Variants in DNAJC10 observed in about 807,000 individuals in gnomAD.
DNAJC10 encodes the protein endoplasmic reticulum disulfide reductase DNAJC10.
A neutral mutation model predicts 115.0 loss-of-function variants in DNAJC10; 101 were observed. The ratio of observed to expected loss-of-function variants is 0.88; its 90% CI spans 0.75 to 1.04. The LOEUF (loss-of-function observed/expected upper bound fraction) is 1.04. Ranked by LOEUF, DNAJC10 falls within the 50% of genes least tolerant of loss-of-function variation. DNAJC10 has a pLI of 0.00. For synonymous variants in DNAJC10, 307 were observed against 301.5 expected, an observed-to-expected ratio of 1.02 and a Z score of -0.19; for missense variants, 981 against 928.8, an observed-to-expected ratio of 1.06 and a Z score of -0.73.
chr2:182,788,868 G>A lies in DNAJC10; in HGVS notation c.*11736G>A, dbSNP rs888397389. 4.4e-6 allele frequency: 2 copies of A among 450,360 alleles called. No homozygotes were observed. The highest frequency in any genetic ancestry group is 3.2e-5 in the South Asian group (2 of 62,424). The allele number at this position is 450,360 out of a possible 1,614,324, so 27.9% of individuals were successfully genotyped here. A position where few individuals can be genotyped will look rare whatever the true frequency, so the allele number is the denominator to read the frequency against. ...GAGATTTCACGTTAAAGGTCATTTTGTGTCTTCTTTAAAACTCTTGATTCC... is the reference window on the plus strand; with the variant it reads ...GAGATTTCACGTTAAAGGTCATTTTATGTCTTCTTTAAAACTCTTGATTCC... On this transcript the variant is annotated 3_prime_UTR_variant, in exon 24 of 24. Coordinates refer to ENST00000264065, the MANE Select transcript of DNAJC10 (RefSeq NM_018981.4).
In DNAJC10 at chr2:182,785,539, TATAA is replaced by T. The variant is rs1406098947; in HGVS notation, c.*8412_*8415del. On this transcript the variant is annotated 3_prime_UTR_variant, in exon 24 of 24. Coordinates refer to ENST00000264065, the MANE Select transcript of DNAJC10 (RefSeq NM_018981.4). ...GAAAAAATATTTCAGTAGGTAGTCATATAAATAAGATGAGGTAATGTGTTTAGAA... is the reference window on the plus strand; with the variant it reads ...GAAAAAATATTTCAGTAGGTAGTCATATAAGATGAGGTAATGTGTTTAGAA... 6 of 152,132 alleles carry T rather than the reference TATAA, an allele frequency of 3.9e-5. No individual in the cohort carries two copies. The highest frequency in any genetic ancestry group is 1.4e-4 in the African/African-American group (6 of 41,440). The allele number at this position is 152,132 out of a possible 1,614,324, so 9.4% of individuals were successfully genotyped here.
rs1270820888 is a variant in DNAJC10, at chr2:182,767,603, G to A, written c.2265+4802G>A. On this transcript the variant is annotated intron_variant, in intron 22 of 23. Coordinates refer to ENST00000264065, the MANE Select transcript of DNAJC10 (RefSeq NM_018981.4). ...GATCACGTCGAGGGCACCACTTGCA[G>A]AGCTTATAGCTTGCAGTGAATGCCA... Among the ~76,000 whole-genome samples the A allele has an allele frequency of 3.3e-5, 5 of 152,046 alleles. No homozygotes were observed. The South Asian group carries it at 6.2e-4, about 19-fold the overall frequency.
At chr2:182,768,881 T>C (rs929260362) in intron 22 of DNAJC10, among the ~76,000 whole-genome samples, 9 of 152,180 alleles carry the variant, frequency 5.9e-5, no homozygotes, top group African/African-American at 2.2e-4. Flanking sequence ...AATGTGCAGG[T>C]TTGATACATA....
intron 14 of DNAJC10, among the ~76,000 whole-genome samples, chr2:182,751,043 GAAGT>G (rs1030899523): frequency 2.7e-5 from 4 of 150,514 alleles, no homozygotes; most frequent in African/African-American, 9.8e-5. Flanking sequence ...AGTAATCACT[GAAGT>G]AAGCATAATT....
In DNAJC10 at chr2:182,770,304, T is replaced by C. The variant is rs180726536; in HGVS notation, c.2266-5012T>C. On this transcript the variant is annotated intron_variant, in intron 22 of 23. Transcript: ENST00000264065. ...GATTGTCTTGGCAATACGGGCTCTT[T>C]TTTGGTTCCATATGAAATTTAAAGT... Among the ~76,000 whole-genome samples, 53 of 152,362 alleles carry C rather than the reference T, an allele frequency of 3.5e-4. No homozygotes were observed. In the East Asian group the frequency reaches 9.8e-3, roughly 28 times the overall value.
rs1694297184 is a variant in DNAJC10, at chr2:182,762,013, A to G, written c.2146-669A>G. Among the ~76,000 whole-genome samples, 3 of 152,110 alleles carry G rather than the reference A, an allele frequency of 2.0e-5. No individual in the cohort carries two copies. The South Asian group carries it at 6.2e-4, about 32-fold the overall frequency. On this transcript the variant is annotated intron_variant, in intron 21 of 23. Transcript: ENST00000264065. ...AGTAAACATCAGTTGCGCAATAAGA[A>G]GACCAAAAAGTGCCCAGTTTGGTCA...
Position 182,756,311 on chromosome 2 carries a change from C to A in DNAJC10, c.1654-3C>A, listed in dbSNP as rs201278988. 3.1e-6 allele frequency: 5 copies of A among 1,609,480 alleles called. No homozygotes were observed. The South Asian group carries it at 5.5e-5, about 18-fold the overall frequency. ...GTTATAATGGAAGCTATATTCTCTT[C>A]AGGATCTTATGAATCCTTCAGTGGT... is the stretch of plus-strand genomic sequence containing the variant. On this transcript the variant is annotated splice_polypyrimidine_tract_variant and splice_region_variant and intron_variant, in intron 17 of 23. Transcript: ENST00000264065.
intron 22 of DNAJC10, among the ~76,000 whole-genome samples, chr2:182,765,686 TC>T (rs1694392911): frequency 6.6e-6 from 1 of 152,178 alleles, no homozygotes; most frequent in Admixed American, 6.5e-5. Flanking sequence ...TAACAACAGG[TC>T]CTGTTCTCGA....
chr2:182,784,960 TCA>T lies in DNAJC10; in HGVS notation c.*7833_*7834del, dbSNP rs1198845964. ...TTTCTACCTCAGTACTTGATAAGAATCACACAGTCTAGCTGGCCTTTGTGTTT... is the reference window on the plus strand; with the variant it reads ...TTTCTACCTCAGTACTTGATAAGAATCACAGTCTAGCTGGCCTTTGTGTTT... On this transcript the variant is annotated 3_prime_UTR_variant, in exon 24 of 24. Coordinates refer to ENST00000264065, the MANE Select transcript of DNAJC10 (RefSeq NM_018981.4). The T allele has an allele frequency of 1.3e-5, 2 of 152,244 alleles. No homozygotes were observed. Among genetic ancestry groups the T allele is most frequent in the Non-Finnish European group, 2.9e-5 (2 of 68,038 alleles). The allele number at this position is 152,244 out of a possible 1,614,324, so 9.4% of individuals were successfully genotyped here. A position where few individuals can be genotyped will look rare whatever the true frequency, so the allele number is the denominator to read the frequency against.
At chr2:182,718,450 T>C (rs946838833) in intron 3 of DNAJC10, among the ~76,000 whole-genome samples, 160 bp downstream of exon 3, 3 of 152,244 alleles carry the variant, frequency 2.0e-5, no homozygotes, top group African/African-American at 7.2e-5. Context: ...ATGTTCTGGA[T>C]TATTTAGGAT....
chr2:182,740,519 T>C, intron 12 of DNAJC10, 131 bp downstream of exon 12: 1 of 823,994 alleles, frequency 1.2e-6, no homozygotes. Flanking sequence ...AAGGATTATA[T>C]ATTAGTCAAT....
In DNAJC10 at chr2:182,716,300, C is replaced by G. The variant is rs1402349515; in HGVS notation, c.-387C>G. On this transcript the variant is annotated 5_prime_UTR_variant, in exon 1 of 24. Transcript: ENST00000264065. Reference sequence around the variant, plus strand: ...CCGGCGCGTGAGGAACCTACCGGTACCGGCCGCGCGCTGGTAGTCGCCGGT... The same window carrying G: ...CCGGCGCGTGAGGAACCTACCGGTAGCGGCCGCGCGCTGGTAGTCGCCGGT... 2.6e-5 allele frequency: 4 copies of G among 152,386 alleles called. No homozygotes were observed. Among genetic ancestry groups the G allele is most frequent in the Admixed American group, 6.5e-5 (1 of 15,286 alleles). The allele number at this position is 152,386 out of a possible 1,614,324, so 9.4% of individuals were successfully genotyped here.
chr2:182,775,715 ATGTC>A (rs1041043320), intron 23 of DNAJC10, among the ~76,000 whole-genome samples: 2 of 152,212 alleles, frequency 1.3e-5, no homozygotes, highest in African/African-American at 2.4e-5. Context: ...AAAAAAAGAA[ATGTC>A]TGTCAACTGA....
intron 5 of DNAJC10, among the ~76,000 whole-genome samples, chr2:182,724,414 GTAATC>G (rs892600533): frequency 6.6e-6 from 1 of 152,038 alleles, no homozygotes; most frequent in Non-Finnish European, 1.5e-5. Flanking sequence ...AAAGGCGAGG[GTAATC>G]TGCTTTTGGT....
intron 4 of DNAJC10, 22 bp from the exon 5 acceptor site, chr2:182,722,003 T>G: frequency 7.4e-7 from 1 of 1,360,370 alleles, no homozygotes. Context: ...ATTTTATAAT[T>G]TTTATATACT....
chr2:182,767,108 G>C (rs288291), intron 22 of DNAJC10, among the ~76,000 whole-genome samples: 98,076 of 151,978 alleles, frequency 0.65, 31,990 homozygotes, highest in Middle Eastern at 0.74. Context: ...GGAATGAAGC[G>C]TAGAGTGGAA....
Position 182,787,374 on chromosome 2 carries a change from T to C in DNAJC10, c.*10242T>C, listed in dbSNP as rs983118561. 6.6e-6 allele frequency: 1 copy of C among 152,202 alleles called. No homozygotes were observed. Among genetic ancestry groups the C allele is most frequent in the African/African-American group, 2.4e-5 (1 of 41,442 alleles). The allele number at this position is 152,202 out of a possible 1,614,324, so 9.4% of individuals were successfully genotyped here. On this transcript the variant is annotated 3_prime_UTR_variant, in exon 24 of 24. Transcript: ENST00000264065. ...GGGCCTACTGTCTCTTCCCACTGTT[T>C]ACCTGGTGTTTTGATTCTGAATAGT...
intron 14 of DNAJC10, among the ~76,000 whole-genome samples, chr2:182,747,553 T>C (rs1574938811): frequency 6.6e-6 from 1 of 152,008 alleles, no homozygotes. Context: ...TGTATAAGAA[T>C]GCTTGTGATT....
rs1035353492 is a variant in DNAJC10, at chr2:182,777,356, A to G, written c.*224A>G. On this transcript the variant is annotated 3_prime_UTR_variant, in exon 24 of 24. Transcript: ENST00000264065. ...TTTTAGACTTTGCAGGCTATAATAT[A>G]TGGTTCACACATGAGAACAAGAATA... The G allele has an allele frequency of 1.2e-5, 4 of 334,054 alleles. No individual in the cohort carries two copies. The highest frequency in any genetic ancestry group is 2.2e-5 in the Non-Finnish European group (4 of 177,964). 20.7% of individuals were successfully genotyped at this position (334,054 alleles called of 1,614,324 possible).
Sources: gnomAD v4.1 joint callset for allele counts (sites outside exome capture counted in the v4.1 genomes callset) on GRCh38, gnomAD v4.1.1 for gene constraint, MANE v1.5 for transcripts, NCBI Gene and HGNC (gene_info 2026-07-23, HGNC 2026-07-21) for gene names.